SLC16A9: variants seen among roughly 807,000 people sequenced by gnomAD.
The protein encoded by SLC16A9 is solute carrier family 16 member 9.
SLC16A9 carries 26 observed loss-of-function variants against 44.3 expected under a neutral mutation model. That is an observed-to-expected ratio of 0.59 (90% CI 0.43 to 0.81). The LOEUF (loss-of-function observed/expected upper bound fraction) is 0.81, where lower values mean the gene tolerates loss of function less well. Among genes scored for constraint, SLC16A9 ranks in the 40% least tolerant of loss-of-function variants. SLC16A9 has a pLI of 0.00. For missense variants in SLC16A9, 559 were observed against 595.8 expected (o/e 0.94, Z 0.64); for synonymous variants, 230 against 225.1 (o/e 1.02, Z -0.19).
intron 3 of SLC16A9, among the ~76,000 whole-genome samples, chr10:59,668,767 T>C (rs756467782): frequency 8.5e-5 from 13 of 152,224 alleles, no homozygotes; most frequent in Non-Finnish European, 1.8e-4. Flanking sequence ...CTGAGTATTA[T>C]GGCATTATGT....
chr10:59,659,944 G>A (rs1465526900), intron 4 of SLC16A9, among the ~76,000 whole-genome samples: 2 of 152,136 alleles, frequency 1.3e-5, no homozygotes, highest in Non-Finnish European at 2.9e-5. Flanking sequence ...TAAGTTCTTT[G>A]AAACCAAAGA....
At chr10:59,700,950 CTCA>C (rs1840509983) in intron 1 of SLC16A9, among the ~76,000 whole-genome samples, 6 of 152,298 alleles carry the variant, frequency 3.9e-5, no homozygotes, top group African/African-American at 1.2e-4. Flanking sequence ...ATCACAGATA[CTCA>C]AGCAAGAAGT....
Position 59,678,546 on chromosome 10 carries a change from C to CTTTTTTTTT in SLC16A9, c.196+5549_196+5550insAAAAAAAAA, listed in dbSNP as rs751112027. Among the ~76,000 whole-genome samples, 9 of 30,616 alleles carry CTTTTTTTTT rather than the reference C, an allele frequency of 2.9e-4. 3 individuals carry two copies. The highest frequency in any genetic ancestry group is 4.9e-4 in the Non-Finnish European group (7 of 14,176). The allele number at this position is 30,616 out of a possible 152,430, so 20.1% of individuals were successfully genotyped here. ...ATCTTTTTTTTTTCTTTTTCTTTTT[C>CTTTTTTTTT]TTTTTTTTGAGACGGAGTCTCGCTC... is the stretch of plus-strand genomic sequence containing the variant. On this transcript the variant is annotated intron_variant, in intron 2 of 5. Coordinates refer to ENST00000395348, the MANE Select transcript of SLC16A9 (RefSeq NM_194298.3).
intron 1 of SLC16A9, among the ~76,000 whole-genome samples, chr10:59,689,302 T>C (rs2132508529): frequency 6.6e-6 from 1 of 152,332 alleles, no homozygotes; most frequent in Admixed American, 6.5e-5. Context: ...TATTCTGTAC[T>C]GCGTAAGGTG....
chr10:59,676,574 G>T (rs530777748), intron 2 of SLC16A9, among the ~76,000 whole-genome samples: 1 of 152,088 alleles, frequency 6.6e-6, no homozygotes, highest in Non-Finnish European at 1.5e-5. Context: ...GGGAAAAAAG[G>T]GGGGGAAAAA....
chr10:59,702,533 T>C (rs1181062077), intron 1 of SLC16A9, among the ~76,000 whole-genome samples: 1 of 152,216 alleles, frequency 6.6e-6, no homozygotes, highest in African/African-American at 2.4e-5. Context: ...ATGTGGTTTC[T>C]CTCAACATGT....
chr10:59,654,004 A>T lies in SLC16A9; in HGVS notation c.1022T>A (p.Phe341Tyr). 6.2e-7 allele frequency: 1 copy of T among 1,613,956 alleles called. No individual in the cohort carries two copies. The change falls in exon 5 of 6, where the codon TTT becomes TAT. Residue 341 changes from phenylalanine (F) to tyrosine (Y), a missense_variant. Transcript: ENST00000395348. ...ARSSNVKEEE[F>Y]IMPLISIIGI... ...TATAATGGAAATAAGTGGCATAATA[A>T]ACTCTTCTTCTTTCACGTTTGAACT...
chr10:59,679,910 T>G (rs766224322), intron 2 of SLC16A9, among the ~76,000 whole-genome samples: 4 of 152,234 alleles, frequency 2.6e-5, no homozygotes, highest in Admixed American at 6.5e-5. Flanking sequence ...AATAGCTTCC[T>G]CAAAGGCTAT....
chr10:59,657,345 C>A lies in SLC16A9; in HGVS notation c.437-2756G>T, dbSNP rs186328710. Among the ~76,000 whole-genome samples the A allele has an allele frequency of 2.6e-3, 390 of 152,324 alleles. 6 individuals carry two copies. The highest frequency in any genetic ancestry group is 3.7e-3 in the Non-Finnish European group (251 of 68,030). On this transcript the variant is annotated intron_variant, in intron 4 of 5. Coordinates refer to ENST00000395348, the MANE Select transcript of SLC16A9 (RefSeq NM_194298.3). ...CAGAGGAAGATCGCTTCCCCCAAAC[C>A]TTCATTTCATGCCCACATTCCTTTC...
chr10:59,707,336 G>A (rs148911910), intron 1 of SLC16A9, among the ~76,000 whole-genome samples: 156 of 111,408 alleles, frequency 1.4e-3, no homozygotes, highest in East Asian at 9.5e-3. Context: ...AGGGAAGGGA[G>A]GGGAAGGGAG....
At position 59,658,394 on chromosome 10, in the gene SLC16A9, G is replaced by A. The variant is rs373299803; in HGVS notation, c.437-3805C>T. Reference sequence around the variant, plus strand: ...CTCATAAAAATTCAAATATTTTAAAGAATTTGACTCTTTTCATCAACGTAC... The same window carrying A: ...CTCATAAAAATTCAAATATTTTAAAAAATTTGACTCTTTTCATCAACGTAC... On this transcript the variant is annotated intron_variant, in intron 4 of 5. Transcript: ENST00000395348. Among the ~76,000 whole-genome samples, 6 of 152,152 alleles carry A rather than the reference G, an allele frequency of 3.9e-5. No individual in the cohort carries two copies. The South Asian group carries it at 1.2e-3, about 32-fold the overall frequency.
intron 1 of SLC16A9, among the ~76,000 whole-genome samples, chr10:59,700,109 CA>C (rs1172819610): frequency 1.3e-5 from 2 of 152,156 alleles, no homozygotes; most frequent in Non-Finnish European, 2.9e-5. Flanking sequence ...GCTCTTAGAT[CA>C]TTGAAAAGCC....
chr10:59,697,220 G>A (rs1245770635), intron 1 of SLC16A9, among the ~76,000 whole-genome samples: 2 of 151,328 alleles, frequency 1.3e-5, no homozygotes, highest in Non-Finnish European at 3.0e-5. Context: ...CCACCACCCC[G>A]TCTGGGAGGT....
chr10:59,688,458 G>T (rs1353461637), intron 1 of SLC16A9, among the ~76,000 whole-genome samples: 2 of 152,014 alleles, frequency 1.3e-5, no homozygotes, highest in African/African-American at 4.8e-5. Flanking sequence ...AAAACTGTAG[G>T]TATAAAATCT....
chr10:59,674,439 C>T (rs983136193), intron 2 of SLC16A9, among the ~76,000 whole-genome samples: 3 of 152,162 alleles, frequency 2.0e-5, no homozygotes, highest in Non-Finnish European at 2.9e-5. Flanking sequence ...TTCAGGCCCT[C>T]TTGTGTGAGT....
At chr10:59,702,129 A>G (rs566942646) in intron 1 of SLC16A9, among the ~76,000 whole-genome samples, 1 of 152,224 alleles carries the variant, frequency 6.6e-6, no homozygotes, top group African/African-American at 2.4e-5. Context: ...TATTCAAATG[A>G]TTAATCAAAG....
chr10:59,659,259 A>T (rs1404737346), intron 4 of SLC16A9, among the ~76,000 whole-genome samples: 1 of 152,140 alleles, frequency 6.6e-6, no homozygotes, highest in African/African-American at 2.4e-5. Flanking sequence ...AGTGAGAGGT[A>T]TTGAGAAACC....
intron 3 of SLC16A9, among the ~76,000 whole-genome samples, chr10:59,669,827 T>C (rs1398185370): frequency 6.6e-6 from 1 of 151,566 alleles, no homozygotes; most frequent in African/African-American, 2.4e-5. Flanking sequence ...AATAAACAAA[T>C]GGATTTACCG....
Position 59,653,880 on chromosome 10 carries a change from C to A in SLC16A9, c.1146G>T (p.Met382Ile), listed in dbSNP as rs754650962. The A allele has an allele frequency of 6.2e-7, 1 of 1,614,128 alleles. No homozygotes were observed. Among genetic ancestry groups the A allele is most frequent in the Non-Finnish European group, 8.5e-7 (1 of 1,180,016 alleles). The change falls in exon 5 of 6, where the codon ATG (methionine) becomes ATT (isoleucine). Residue 382 changes from methionine (M) to isoleucine (I), a missense_variant. Met to Ile is a conservative substitution (Grantham distance 10). Coordinates refer to ENST00000395348, the MANE Select transcript of SLC16A9 (RefSeq NM_194298.3). ...LYLYVATLII[M>I]GLALCAIPFA... ...ATGGAATTGCACACAAGGCTAGGCC[C>A]ATGATGATTAAGGTAGCAACATAAA...
Sources: gnomAD v4.1 joint callset for allele counts (sites outside exome capture counted in the v4.1 genomes callset) on GRCh38, gnomAD v4.1.1 for gene constraint, MANE v1.5 for transcripts, NCBI Gene and HGNC (gene_info 2026-07-23, HGNC 2026-07-21) for gene names.